Variants in SLC4A10 observed in about 807,000 individuals in gnomAD.
The protein encoded by SLC4A10 is sodium-driven chloride bicarbonate exchanger.
Under a neutral mutation model 137.7 loss-of-function variants are expected in SLC4A10, and 42 were observed. The observed-to-expected ratio is 0.30, with a 90% CI of 0.24 to 0.39. SLC4A10 has a LOEUF of 0.39. SLC4A10 is among the 10% of genes least tolerant of loss of function. The pLI is 1.00. For synonymous variants in SLC4A10, 474 were observed against 464.1 expected, an observed-to-expected ratio of 1.02 and a Z score of -0.27; for missense variants, 925 against 1,355.0, an observed-to-expected ratio of 0.68 and a Z score of 4.98.
intron 3 of SLC4A10, among the ~76,000 whole-genome samples, chr2:161,828,357 C>T (rs909430311): frequency 1.3e-5 from 2 of 151,948 alleles, no homozygotes; most frequent in Non-Finnish European, 2.9e-5. Flanking sequence ...CTTGGATTTG[C>T]TTACAAAACT....
At chr2:161,778,745 C>T (rs571516115) in intron 2 of SLC4A10, among the ~76,000 whole-genome samples, 1 of 151,712 alleles carries the variant, frequency 6.6e-6, no homozygotes, top group East Asian at 1.9e-4. Context: ...AAAATCTTGG[C>T]CTGCAAATTA....
At chr2:161,649,565 A>G (rs2036516638) in intron 1 of SLC4A10, among the ~76,000 whole-genome samples, 1 of 151,998 alleles carries the variant, frequency 6.6e-6, no homozygotes. Flanking sequence ...TTTGTTTATT[A>G]ATTATATTTC....
chr2:161,874,047 C>G, intron 8 of SLC4A10, 42 bp downstream of exon 8: 1 of 1,527,474 alleles, frequency 6.5e-7, no homozygotes, highest in Non-Finnish European at 8.8e-7. Context: ...TGGTTCAAAG[C>G]TCATTTCACT....
At chr2:161,973,229 C>T (rs1452463222) in intron 23 of SLC4A10, among the ~76,000 whole-genome samples, 5 of 152,086 alleles carry the variant, frequency 3.3e-5, no homozygotes. Context: ...GGGGTTAGAA[C>T]CAATAATTCT....
chr2:161,958,544 A>G lies in SLC4A10; in HGVS notation c.2851A>G (p.Lys951Glu). ...VFLYMGASSLKGIQFFDRIKL... is the reference protein window; with the variant it reads ...VFLYMGASSLEGIQFFDRIKL... ...TCTTTATATGGGTGCTTCATCTCTA[A>G]AGGGAATTCAGGTAAATTACTTACA... is the stretch of plus-strand genomic sequence containing the variant. The change falls in exon 21 of 27, where the codon AAG becomes GAG. Residue 951 changes from lysine to glutamate, a missense_variant. Coordinates refer to ENST00000446997, the MANE Select transcript of SLC4A10 (RefSeq NM_001178015.2). 6.2e-7 allele frequency: 1 copy of G among 1,609,812 alleles called. No homozygotes were observed. The highest frequency in any genetic ancestry group is 1.7e-4 in the Middle Eastern group (1 of 6,044).
intron 15 of SLC4A10, among the ~76,000 whole-genome samples, chr2:161,928,283 A>C (rs1249591597): frequency 6.7e-6 from 1 of 149,580 alleles, no homozygotes; most frequent in African/African-American, 2.5e-5. Flanking sequence ...CAAAAAACCA[A>C]ACACGGCATA....
chr2:161,910,048 A>T (rs186097488), intron 15 of SLC4A10, among the ~76,000 whole-genome samples: 2 of 152,274 alleles, frequency 1.3e-5, no homozygotes, highest in Admixed American at 1.3e-4. Context: ...TATATCTGAG[A>T]TTGCAACCTT....
At chr2:161,818,710 G>T (rs186437142) in intron 3 of SLC4A10, among the ~76,000 whole-genome samples, 1 of 152,130 alleles carries the variant, frequency 6.6e-6, no homozygotes, top group Non-Finnish European at 1.5e-5. Flanking sequence ...TTTGTCAAAG[G>T]CCTTTTCTGC....
chr2:161,922,493 T>C lies in SLC4A10; in HGVS notation c.1997+16606T>C, dbSNP rs564224862. On this transcript the variant is annotated intron_variant, in intron 15 of 26. Coordinates refer to ENST00000446997, the MANE Select transcript of SLC4A10 (RefSeq NM_001178015.2). ...AACAATTTAATTAAATGATTAATAA[T>C]CCAAGAATAAGTTATGTTGTATCCC... Among the ~76,000 whole-genome samples the C allele has an allele frequency of 7.2e-5, 11 of 152,196 alleles. No individual in the cohort carries two copies. In the South Asian group the frequency reaches 2.1e-3, roughly 29 times the overall value.
chr2:161,831,574 T>C (rs1259012935), intron 3 of SLC4A10, among the ~76,000 whole-genome samples: 1 of 152,184 alleles, frequency 6.6e-6, no homozygotes, highest in Non-Finnish European at 1.5e-5. Flanking sequence ...CTGGCTAGAC[T>C]AATAGTTTTT....
chr2:161,853,151 G>T (rs1271142370), intron 4 of SLC4A10, among the ~76,000 whole-genome samples: 1 of 152,058 alleles, frequency 6.6e-6, no homozygotes, highest in Admixed American at 6.6e-5. Context: ...ATGCTGATAT[G>T]ATTAACGAAA....
chr2:161,958,409 G>GT (rs1249514537), intron 20 of SLC4A10, 78 bp from the exon 21 acceptor site: 67 of 1,249,550 alleles, frequency 5.4e-5, no homozygotes, highest in East Asian at 2.4e-5. Flanking sequence ...TTTTTTCCCT[G>GT]TTTTTTTCTT....
chr2:161,881,902 A>G (rs2061816407), intron 9 of SLC4A10, among the ~76,000 whole-genome samples: 1 of 151,916 alleles, frequency 6.6e-6, no homozygotes, highest in Admixed American at 6.6e-5. Context: ...ACATACACCT[A>G]CTGTTTTTTG....
At chr2:161,922,550 C>T (rs1688324429) in intron 15 of SLC4A10, among the ~76,000 whole-genome samples, 1 of 151,676 alleles carries the variant, frequency 6.6e-6, no homozygotes, top group Admixed American at 6.6e-5. Context: ...GGTAATGTAG[C>T]AATAGGAAAA....
chr2:161,808,009 G>T (rs938059580), intron 3 of SLC4A10, among the ~76,000 whole-genome samples: 1 of 151,972 alleles, frequency 6.6e-6, no homozygotes, highest in Non-Finnish European at 1.5e-5. Flanking sequence ...TTGCTCTACA[G>T]TTAATTTGGA....
intron 18 of SLC4A10, 99 bp from the exon 19 acceptor site, chr2:161,950,588 T>C: frequency 8.8e-7 from 1 of 1,133,010 alleles, no homozygotes. Flanking sequence ...AGCTCCTCTG[T>C]TTATAATTAG....
At chr2:161,798,446 T>C (rs983256947) in intron 2 of SLC4A10, among the ~76,000 whole-genome samples, 4 of 151,832 alleles carry the variant, frequency 2.6e-5, no homozygotes, top group Non-Finnish European at 4.4e-5. Flanking sequence ...TCCAAATGCG[T>C]CTCCTTTCCT....
chr2:161,889,108 C>T (rs944358410), intron 10 of SLC4A10, among the ~76,000 whole-genome samples: 8 of 152,138 alleles, frequency 5.3e-5, no homozygotes, highest in Admixed American at 5.2e-4. Flanking sequence ...GTAAGTTGAA[C>T]CAGCCTTGCA....
At chr2:161,759,785 G>T (rs2125351339) in intron 1 of SLC4A10, among the ~76,000 whole-genome samples, 1 of 151,990 alleles carries the variant, frequency 6.6e-6, no homozygotes, top group African/African-American at 2.4e-5. Flanking sequence ...TACATGGTTT[G>T]CAAATATTTT....
Sources: allele counts gnomAD v4.1 joint callset (sites outside exome capture counted in the v4.1 genomes callset), GRCh38; gene constraint gnomAD v4.1.1; transcripts MANE v1.5; gene names NCBI Gene and HGNC (gene_info 2026-07-23, HGNC 2026-07-21).